Variants in NELL1 observed in about 807,000 individuals in gnomAD.
NELL1 encodes the protein neural EGFL like 1.
A neutral mutation model predicts 107.4 loss-of-function variants in NELL1; 76 were observed. That is an observed-to-expected ratio of 0.71 (90% CI 0.59 to 0.86). The LOEUF (loss-of-function observed/expected upper bound fraction) is 0.86, where lower values mean the gene tolerates loss of function less well. Among genes scored for constraint, NELL1 ranks in the 40% least tolerant of loss-of-function variants. NELL1 has a pLI of 0.00. For synonymous variants in NELL1, 353 were observed against 341.2 expected, an observed-to-expected ratio of 1.03 and a Z score of -0.38; for missense variants, 1,024 against 1,005.5, an observed-to-expected ratio of 1.02 and a Z score of -0.25.
chr11:21,153,126 C>T (rs143160272), intron 13 of NELL1, among the ~76,000 whole-genome samples: 219 of 152,210 alleles, frequency 1.4e-3, no homozygotes, highest in African/African-American at 5.0e-3. Flanking sequence ...GGATTTTAGT[C>T]TAGGCATTTA....
chr11:21,357,286 T>C (rs1850956745), intron 14 of NELL1, among the ~76,000 whole-genome samples: 1 of 152,222 alleles, frequency 6.6e-6, no homozygotes, highest in Non-Finnish European at 1.5e-5. Context: ...TGTAAAAGTG[T>C]TCCTTCTCAC....
chr11:21,475,536 A>C (rs1854308511), intron 15 of NELL1, among the ~76,000 whole-genome samples: 2 of 152,156 alleles, frequency 1.3e-5, no homozygotes. Context: ...TGCATCCAAA[A>C]AGGAGCTTTG....
intron 2 of NELL1, among the ~76,000 whole-genome samples, chr11:20,731,548 C>T (rs929898788): frequency 1.3e-5 from 2 of 152,194 alleles, no homozygotes; most frequent in Admixed American, 6.5e-5. Context: ...GCTCAATACC[C>T]ATGTGTCTGC....
At chr11:20,831,568 T>C (rs1481276872) in intron 3 of NELL1, among the ~76,000 whole-genome samples, 1 of 152,138 alleles carries the variant, frequency 6.6e-6, no homozygotes, top group Non-Finnish European at 1.5e-5. Flanking sequence ...TGAAGCCCAC[T>C]AGTTGTTTTG....
intron 15 of NELL1, among the ~76,000 whole-genome samples, chr11:21,446,033 AT>A (rs910589515): frequency 6.0e-5 from 9 of 150,270 alleles, no homozygotes; most frequent in East Asian, 3.9e-4. Flanking sequence ...TTTCTTTTTA[AT>A]TTTTTTTCTT....
chr11:21,369,238 C>T (rs1016779986), intron 14 of NELL1, among the ~76,000 whole-genome samples: 1 of 151,884 alleles, frequency 6.6e-6, no homozygotes, highest in Non-Finnish European at 1.5e-5. Flanking sequence ...CTTTACTGTT[C>T]TTTGAAATGT....
chr11:20,762,715 G>T (rs779045015), intron 2 of NELL1, among the ~76,000 whole-genome samples: 1 of 152,148 alleles, frequency 6.6e-6, no homozygotes, highest in Non-Finnish European at 1.5e-5. Flanking sequence ...ACGTTGACAG[G>T]CATCTTTGCA....
Position 21,573,199 on chromosome 11 carries a change from T to C in NELL1, c.2172T>C (p.Asp724=), listed in dbSNP as rs746235872. ...TTCCTCTACAGGAAGGAGAGGTAGA[T>C]TGCTGGCCACTCACTTGCCCCAACT... ...QQCRCLEGEV[D]CWPLTCPNLS... The change falls in exon 19 of 20, where the codon GAT becomes GAC. Residue 724 remains aspartate (D), a synonymous_variant. Coordinates refer to ENST00000357134, the MANE Select transcript of NELL1 (RefSeq NM_006157.5). 6.2e-6 allele frequency: 10 copies of C among 1,611,774 alleles called. No individual in the cohort carries two copies. The highest frequency in any genetic ancestry group is 5.0e-5 in the Admixed American group (3 of 59,804).
At chr11:20,763,691 G>A (rs1856470661) in intron 2 of NELL1, among the ~76,000 whole-genome samples, 1 of 152,200 alleles carries the variant, frequency 6.6e-6, no homozygotes, top group Non-Finnish European at 1.5e-5. Flanking sequence ...AAAGTGCTCT[G>A]CCGAGCCACA....
intron 3 of NELL1, among the ~76,000 whole-genome samples, chr11:20,815,504 G>A (rs1857605242): frequency 6.6e-6 from 1 of 152,056 alleles, no homozygotes; most frequent in South Asian, 2.1e-4. Context: ...TTCTTAAATG[G>A]GGTTGTTTTT....
At chr11:20,911,311 T>A (rs1232225994) in intron 5 of NELL1, among the ~76,000 whole-genome samples, 1 of 152,230 alleles carries the variant, frequency 6.6e-6, no homozygotes, top group Non-Finnish European at 1.5e-5. Flanking sequence ...CTGCATATAG[T>A]ATCTCAGTTA....
intron 15 of NELL1, among the ~76,000 whole-genome samples, chr11:21,459,087 C>A (rs75798160): frequency 0.012 from 1,867 of 152,034 alleles, 40 homozygotes; most frequent in African/African-American, 0.043. Context: ...ACAGTCCAGT[C>A]GTGAGCCTTC....
At chr11:21,527,013 T>C (rs950599767) in intron 15 of NELL1, among the ~76,000 whole-genome samples, 2 of 152,224 alleles carry the variant, frequency 1.3e-5, no homozygotes, top group African/African-American at 4.8e-5. Flanking sequence ...TGGGGTCTTC[T>C]CTTCTACTGC....
intron 13 of NELL1, among the ~76,000 whole-genome samples, chr11:21,142,736 G>A (rs1181701599): frequency 2.6e-5 from 4 of 152,140 alleles, no homozygotes; most frequent in African/African-American, 9.7e-5. Flanking sequence ...AGTTCACCCT[G>A]GAGTCTCTTT....
chr11:21,492,286 C>T (rs1172686946), intron 15 of NELL1, among the ~76,000 whole-genome samples: 5 of 152,080 alleles, frequency 3.3e-5, no homozygotes, highest in Non-Finnish European at 7.4e-5. Flanking sequence ...AACACTTTTA[C>T]ACTGTTGGTG....
chr11:20,758,183 G>A (rs969156678), intron 2 of NELL1, among the ~76,000 whole-genome samples: 1 of 152,224 alleles, frequency 6.6e-6, no homozygotes, highest in South Asian at 2.1e-4. Flanking sequence ...TTCTGTCCCT[G>A]CCTCCTAAAA....
chr11:21,037,804 G>A (rs1396297141), intron 12 of NELL1, among the ~76,000 whole-genome samples: 1 of 152,048 alleles, frequency 6.6e-6, no homozygotes, highest in Non-Finnish European at 1.5e-5. Context: ...CTGAAGAAGG[G>A]TTTGCTATAT....
chr11:20,966,533 T>C (rs1851390351), intron 12 of NELL1, among the ~76,000 whole-genome samples: 1 of 152,140 alleles, frequency 6.6e-6, no homozygotes, highest in South Asian at 2.1e-4. Context: ...TAAGAATACC[T>C]TGGGGTATCT....
At chr11:20,788,913 T>C (rs1412569891) in intron 3 of NELL1, among the ~76,000 whole-genome samples, 2 of 152,230 alleles carry the variant, frequency 1.3e-5, no homozygotes, top group Non-Finnish European at 2.9e-5. Context: ...TTAGTTTTTA[T>C]ATATCATGTG....
Sources: gnomAD v4.1 joint callset for allele counts (sites outside exome capture counted in the v4.1 genomes callset) on GRCh38, gnomAD v4.1.1 for gene constraint, MANE v1.5 for transcripts, NCBI Gene and HGNC (gene_info 2026-07-23, HGNC 2026-07-21) for gene names.